Variants in NOPCHAP1 observed in about 807,000 individuals in gnomAD.
NOPCHAP1 encodes DNA damage-sensitive RNA 1.
In NOPCHAP1, 13 loss-of-function variants were observed where a neutral mutation model predicts 14.0. The ratio of observed to expected loss-of-function variants is 0.93; its 90% CI spans 0.60 to 1.47. The LOEUF (loss-of-function observed/expected upper bound fraction) is 1.47, where lower values mean the gene tolerates loss of function less well. Ranked by LOEUF, NOPCHAP1 falls within the 40% of genes most tolerant of loss-of-function variation. The probability of loss-of-function intolerance (pLI) is 0.00; values close to 1 mark genes in which losing one functional copy is unlikely to be tolerated. For synonymous variants in NOPCHAP1, 78 were observed against 78.4 expected, an observed-to-expected ratio of 1.00 and a Z score of 0.03; for missense variants, 230 against 226.9, an observed-to-expected ratio of 1.01 and a Z score of -0.09.
chr12:104,991,603 G>A, intron 2 of NOPCHAP1, 109 bp from the exon 3 acceptor site: 1 of 1,141,782 alleles, frequency 8.8e-7, no homozygotes, highest in South Asian at 1.7e-5. Flanking sequence ...TAAAAGATAT[G>A]TAATTATGGT....
At chr12:104,993,922 G>A (rs1037628949) in intron 3 of NOPCHAP1, among the ~76,000 whole-genome samples, 1 of 152,110 alleles carries the variant, frequency 6.6e-6, no homozygotes, top group African/African-American at 2.4e-5. Context: ...GAATGTTGTT[G>A]AATGTGTTTA....
chr12:104,996,819 T>C lies in NOPCHAP1; in HGVS notation c.*2123T>C, dbSNP rs1295332282. 6.6e-6 allele frequency: 1 copy of C among 152,252 alleles called. No individual in the cohort carries two copies. Among genetic ancestry groups the C allele is most frequent in the Non-Finnish European group, 1.5e-5 (1 of 68,036 alleles). 9.4% of individuals were successfully genotyped at this position (152,252 alleles called of 1,614,324 possible). The stretch of plus-strand genomic sequence containing the variant: ...GTATGTTTAGGATAGTTAGGTCTTA[T>C]TGAATTAAGCCCTTTATCATTATGT... On this transcript the variant is annotated 3_prime_UTR_variant, in exon 4 of 4. Transcript: ENST00000552951.
At position 104,997,506 on chromosome 12, in the gene NOPCHAP1, A is replaced by G. The variant is rs1362241671; in HGVS notation, c.*2810A>G. On this transcript the variant is annotated 3_prime_UTR_variant, in exon 4 of 4. Coordinates refer to ENST00000552951, the MANE Select transcript of NOPCHAP1 (RefSeq NM_152318.3). ...AAAGTATAATAATAAAAATAAATAA[A>G]TAAAGAATGCTGAATATAGGCCCCC... 2 of 152,198 alleles carry G rather than the reference A, an allele frequency of 1.3e-5. No individual in the cohort carries two copies. The highest frequency in any genetic ancestry group is 4.8e-5 in the African/African-American group (2 of 41,446). 9.4% of individuals were successfully genotyped at this position (152,198 alleles called of 1,614,324 possible).
intron 1 of NOPCHAP1, 100 bp downstream of exon 1, chr12:104,986,567 C>T (rs1278579703): frequency 9.8e-7 from 1 of 1,021,534 alleles, no homozygotes; most frequent in Non-Finnish European, 1.4e-6. Flanking sequence ...GCCCGGGCTC[C>T]GTACCCTCGA....
At position 104,999,209 on chromosome 12, in the gene NOPCHAP1, G is replaced by T. The variant is rs919281337; in HGVS notation, c.*4513G>T. 3.9e-5 allele frequency: 6 copies of T among 152,476 alleles called. No individual in the cohort carries two copies. The highest frequency in any genetic ancestry group is 8.8e-5 in the Non-Finnish European group (6 of 68,262). 9.4% of individuals were successfully genotyped at this position (152,476 alleles called of 1,614,324 possible). A position where few individuals can be genotyped will look rare whatever the true frequency, so the allele number is the denominator to read the frequency against. On this transcript the variant is annotated 3_prime_UTR_variant, in exon 4 of 4. Coordinates refer to ENST00000552951, the MANE Select transcript of NOPCHAP1 (RefSeq NM_152318.3). ...TTGGAGGCGAGGTCTGTGTACACAG[G>T]TGCTGGCAAAGTGATTCGGGGGTTG...
chr12:104,986,757 C>T (rs1873247828), intron 1 of NOPCHAP1, among the ~76,000 whole-genome samples: 1 of 152,228 alleles, frequency 6.6e-6, no homozygotes, highest in Non-Finnish European at 1.5e-5. Flanking sequence ...CTGCCCTGCC[C>T]TGGAAGCTGG....
chr12:104,987,843 G>A (rs1873275996), intron 1 of NOPCHAP1, among the ~76,000 whole-genome samples: 1 of 152,206 alleles, frequency 6.6e-6, no homozygotes, highest in South Asian at 2.1e-4. Context: ...GTTATGCTCT[G>A]TACTGTTTCC....
In NOPCHAP1 at chr12:105,008,090, TG is replaced by T; in HGVS notation, c.*13396del. 6.6e-6 allele frequency: 1 copy of T among 152,218 alleles called. No individual in the cohort carries two copies. The highest frequency in any genetic ancestry group is 1.5e-5 in the Non-Finnish European group (1 of 68,032). 9.4% of individuals were successfully genotyped at this position (152,218 alleles called of 1,614,324 possible). Reference sequence around the variant, plus strand: ...GGAATTGCCACACTGTCTTCCACAATGGTTGAACTAATTTACAATCCCACCA... The same window carrying T: ...GGAATTGCCACACTGTCTTCCACAATGTTGAACTAATTTACAATCCCACCA... On this transcript the variant is annotated 3_prime_UTR_variant, in exon 4 of 4. Coordinates refer to ENST00000552951, the MANE Select transcript of NOPCHAP1 (RefSeq NM_152318.3).
Position 104,990,002 on chromosome 12 carries a change from C to A in NOPCHAP1, c.203-1710C>A, listed in dbSNP as rs560506664. 2.0e-5 allele frequency among the ~76,000 whole-genome samples: 3 copies of A among 152,184 alleles called. No homozygotes were observed. The South Asian group carries it at 6.2e-4, about 32-fold the overall frequency. ...GCTTTTCTTTTCTTCCTTGAACATACAAAGTATATTTCTAAGAGCTGTTTT... is the reference window on the plus strand; with the variant it reads ...GCTTTTCTTTTCTTCCTTGAACATAAAAAGTATATTTCTAAGAGCTGTTTT... On this transcript the variant is annotated intron_variant, in intron 2 of 3. Transcript: ENST00000552951.
Position 104,997,275 on chromosome 12 carries a change from A to G in NOPCHAP1, c.*2579A>G, listed in dbSNP as rs1385138788. On this transcript the variant is annotated 3_prime_UTR_variant, in exon 4 of 4. Transcript: ENST00000552951. ...CTCCCTTCCAAAACTCTTGTAAGGC[A>G]GATCTGATGTTAACAAATTCCCTTA... 2 of 152,218 alleles carry G rather than the reference A, an allele frequency of 1.3e-5. No homozygotes were observed. Among genetic ancestry groups the G allele is most frequent in the Non-Finnish European group, 2.9e-5 (2 of 68,044 alleles). The allele number at this position is 152,218 out of a possible 1,614,324, so 9.4% of individuals were successfully genotyped here. A position where few individuals can be genotyped will look rare whatever the true frequency, so the allele number is the denominator to read the frequency against.
rs1873496657 is a variant in NOPCHAP1, at chr12:104,996,101, C to CAG, written c.*1405_*1406insAG. 1 of 152,126 alleles carries CAG rather than the reference C, an allele frequency of 6.6e-6. No homozygotes were observed. The highest frequency in any genetic ancestry group is 1.5e-5 in the Non-Finnish European group (1 of 68,034). The allele number at this position is 152,126 out of a possible 1,614,324, so 9.4% of individuals were successfully genotyped here. A position where few individuals can be genotyped will look rare whatever the true frequency, so the allele number is the denominator to read the frequency against. On this transcript the variant is annotated 3_prime_UTR_variant, in exon 4 of 4. Coordinates refer to ENST00000552951, the MANE Select transcript of NOPCHAP1 (RefSeq NM_152318.3). ...GTATTTATGGGGACTTTTGGGGAAG[C>CAG]TATTTGGAAGGCAGGATTGAACCAT...
rs921031841 is a variant in NOPCHAP1, at chr12:105,007,070, A to G, written c.*12374A>G. The G allele has an allele frequency of 2.0e-5, 3 of 150,292 alleles. No homozygotes were observed. The highest frequency in any genetic ancestry group is 4.4e-5 in the Non-Finnish European group (3 of 67,744). 9.3% of individuals were successfully genotyped at this position (150,292 alleles called of 1,614,324 possible). ...GTCAAACCTCTAAAATTATCAAAGC[A>G]TCTTATGCTGGCATTGAATTATCCA... On this transcript the variant is annotated 3_prime_UTR_variant, in exon 4 of 4. Transcript: ENST00000552951.
rs1343076507 is a variant in NOPCHAP1, at chr12:105,005,361, T to C, written c.*10665T>C. On this transcript the variant is annotated 3_prime_UTR_variant, in exon 4 of 4. Transcript: ENST00000552951. Reference sequence around the variant, plus strand: ...AATTTTCTGGGGTTTAAATACCCTCTAGAGGTTTCCCATTGGTTACTTGGT... The same window carrying C: ...AATTTTCTGGGGTTTAAATACCCTCCAGAGGTTTCCCATTGGTTACTTGGT... 1 of 152,242 alleles carries C rather than the reference T, an allele frequency of 6.6e-6. No individual in the cohort carries two copies. The highest frequency in any genetic ancestry group is 1.5e-5 in the Non-Finnish European group (1 of 68,052). The allele number at this position is 152,242 out of a possible 1,614,324, so 9.4% of individuals were successfully genotyped here. A position where few individuals can be genotyped will look rare whatever the true frequency, so the allele number is the denominator to read the frequency against.
rs944608308 is a variant in NOPCHAP1, at chr12:104,995,405, A to G, written c.*709A>G. The G allele has an allele frequency of 3.3e-5, 5 of 152,308 alleles. No individual in the cohort carries two copies. The highest frequency in any genetic ancestry group is 1.3e-4 in the Admixed American group (2 of 15,282). The allele number at this position is 152,308 out of a possible 1,614,324, so 9.4% of individuals were successfully genotyped here. On this transcript the variant is annotated 3_prime_UTR_variant, in exon 4 of 4. Transcript: ENST00000552951. ...GTATTGAATTTTCTGTAGTAGCAAA[A>G]TCTGGAAAAATAGGTACAACATTCA...
chr12:104,986,492 G>A (rs747536239), intron 1 of NOPCHAP1, 25 bp downstream of exon 1: 211 of 1,565,844 alleles, frequency 1.3e-4, no homozygotes, highest in Non-Finnish European at 1.8e-4. Context: ...ACGGCGGCAT[G>A]GGCCGCACAC....
Position 104,997,727 on chromosome 12 carries a change from C to T in NOPCHAP1, c.*3031C>T, listed in dbSNP as rs1873526509. Reference sequence around the variant, plus strand: ...ATTTCACAAGGGTTTTCCGCATTTCCTGAATTTGAATGTTGGCCTCTCTAG... The same window carrying T: ...ATTTCACAAGGGTTTTCCGCATTTCTTGAATTTGAATGTTGGCCTCTCTAG... On this transcript the variant is annotated 3_prime_UTR_variant, in exon 4 of 4. Transcript: ENST00000552951. The T allele has an allele frequency of 6.6e-6, 1 of 152,122 alleles. No homozygotes were observed. Among genetic ancestry groups the T allele is most frequent in the Admixed American group, 6.5e-5 (1 of 15,278 alleles). 9.4% of individuals were successfully genotyped at this position (152,122 alleles called of 1,614,324 possible). A position where few individuals can be genotyped will look rare whatever the true frequency, so the allele number is the denominator to read the frequency against.
At chr12:104,991,248 A>C (rs1873367579) in intron 2 of NOPCHAP1, among the ~76,000 whole-genome samples, 1 of 152,232 alleles carries the variant, frequency 6.6e-6, no homozygotes, top group Non-Finnish European at 1.5e-5. Flanking sequence ...ACACAAGCTT[A>C]AAAGGAAAGC....
Position 104,994,643 on chromosome 12 carries a change from G to A in NOPCHAP1, c.505G>A (p.Gly169Arg). The change falls in exon 4 of 4, where the codon GGA (glycine) becomes AGA (arginine). Residue 169 changes from glycine (G) to arginine (R), a missense_variant. By Grantham distance (125) the Gly-to-Arg change is moderately radical. Transcript: ENST00000552951. ...DNIKLPNSEG[G>R]KGKIEVLDSP... ...CATTAAGCTTCCCAATTCTGAAGGT[G>A]GAAAAGGCAAGATTGAAGTTTTGGA... 1 of 1,613,684 alleles carries A rather than the reference G, an allele frequency of 6.2e-7. No homozygotes were observed. The highest frequency in any genetic ancestry group is 8.5e-7 in the Non-Finnish European group (1 of 1,179,946).
At position 104,991,735 on chromosome 12, in the gene NOPCHAP1, C is replaced by T. The variant is rs373550337; in HGVS notation, c.226C>T (p.Leu76Phe). The T allele has an allele frequency of 3.1e-6, 5 of 1,613,202 alleles. No homozygotes were observed. The African/African-American group carries it at 5.3e-5, about 17-fold the overall frequency. ...SPLLDQVQTFLPQMARANEKL... is the reference protein window; with the variant it reads ...SPLLDQVQTFFPQMARANEKL... ...AGTATTGGACCAGGTACAGACATTT[C>T]TCCCACAGATGGCACGGGCAAATGA... Residue 76 changes from leucine to phenylalanine, a missense_variant, in exon 3 of 4, where the codon CTC (leucine) becomes TTC (phenylalanine). Physicochemically the swap from Leu to Phe is conservative, Grantham distance 22 (BLOSUM62 0). Coordinates refer to ENST00000552951, the MANE Select transcript of NOPCHAP1 (RefSeq NM_152318.3).
Sources: gnomAD v4.1 joint callset for allele counts (sites outside exome capture counted in the v4.1 genomes callset) on GRCh38, gnomAD v4.1.1 for gene constraint, MANE v1.5 for transcripts, NCBI Gene and HGNC (gene_info 2026-07-23, HGNC 2026-07-21) for gene names.